The following CCDC158 variants were observed in gnomAD, a reference collection of about 807,000 sequenced individuals.
CCDC158 encodes coiled-coil domain-containing protein 158.
A neutral mutation model predicts 138.6 loss-of-function variants in CCDC158; 116 were observed. That is an observed-to-expected ratio of 0.84 (90% CI 0.72 to 0.98). CCDC158 has a LOEUF of 0.98. CCDC158 is among the 50% of genes least tolerant of loss of function. The pLI, the probability that CCDC158 is intolerant of heterozygous loss-of-function variation, is 0.00. For synonymous variants in CCDC158, 436 were observed against 442.4 expected, an observed-to-expected ratio of 0.99 and a Z score of 0.18; for missense variants, 1,265 against 1,306.1, an observed-to-expected ratio of 0.97 and a Z score of 0.48.
chr4:76,357,501 A>G lies in CCDC158; in HGVS notation c.2046T>C (p.Asn682=), dbSNP rs750518882. Residue 682 remains asparagine (N), a synonymous_variant, in exon 14 of 25, where the codon AAT becomes AAC. Transcript: ENST00000682701. ...LSEEYEVLKR[N]FRNKSEEMEM... Reference sequence around the variant, plus strand: ...CCATTTCTTCACTTTTGTTTCGGAAATTCCTTTTTAAGACTTCATACTCCT... The same window carrying G: ...CCATTTCTTCACTTTTGTTTCGGAAGTTCCTTTTTAAGACTTCATACTCCT... The G allele has an allele frequency of 1.4e-5, 23 of 1,596,386 alleles. No homozygotes were observed. In the East Asian group the frequency reaches 4.7e-4, roughly 33 times the overall value.
chr4:76,333,792 G>A (rs962055474), intron 19 of CCDC158, among the ~76,000 whole-genome samples: 1 of 152,020 alleles, frequency 6.6e-6, no homozygotes, highest in Non-Finnish European at 1.5e-5. Context: ...CCTTGCACTG[G>A]GTATTTTCTG....
chr4:76,331,970 G>A (rs1721052390), intron 20 of CCDC158, among the ~76,000 whole-genome samples: 1 of 152,074 alleles, frequency 6.6e-6, no homozygotes, highest in Admixed American at 6.5e-5. Context: ...TGGAGTTATG[G>A]ATTTCATTTC....
intron 1 of CCDC158, among the ~76,000 whole-genome samples, chr4:76,418,467 G>C (rs1203500345): frequency 6.6e-6 from 1 of 152,166 alleles, no homozygotes; most frequent in Non-Finnish European, 1.5e-5. Context: ...GATGTGGGGA[G>C]TGTATTAGTC....
chr4:76,318,941 A>C (rs1460272948), intron 24 of CCDC158, among the ~76,000 whole-genome samples: 1 of 152,176 alleles, frequency 6.6e-6, no homozygotes, highest in Non-Finnish European at 1.5e-5. Flanking sequence ...CAGCCTGGCC[A>C]ACATGGTGAA....
chr4:76,397,606 C>G (rs1727943754), intron 3 of CCDC158, among the ~76,000 whole-genome samples: 1 of 152,036 alleles, frequency 6.6e-6, no homozygotes, highest in Admixed American at 6.6e-5. Context: ...GAAACTAGTT[C>G]ATGTGTATTG....
chr4:76,322,559 T>A (rs1284899841), intron 24 of CCDC158, among the ~76,000 whole-genome samples: 3 of 152,242 alleles, frequency 2.0e-5, no homozygotes, highest in Admixed American at 2.0e-4. Context: ...AAGTTTATTT[T>A]ATGAAGATTC....
At chr4:76,333,969 C>T in intron 19 of CCDC158, 41 bp downstream of exon 19, 1 of 1,446,418 alleles carries the variant, frequency 6.9e-7, no homozygotes, top group East Asian at 2.3e-5. Flanking sequence ...GCAAACCATT[C>T]AAGAGATGAG....
chr4:76,401,447 G>A (rs999474149), intron 3 of CCDC158: 3 of 423,414 alleles, frequency 7.1e-6, no homozygotes, highest in Non-Finnish European at 1.4e-5. Context: ...GATCAAGATT[G>A]TGCTGAGGCC....
At chr4:76,382,571 A>C (rs759971922) in intron 8 of CCDC158, 39 bp downstream of exon 8, 59 of 1,219,926 alleles carry the variant, frequency 4.8e-5, no homozygotes, top group Non-Finnish European at 6.8e-5. Flanking sequence ...TAATATCTTT[A>C]AAATGAAGAT....
rs117223770 is a variant in CCDC158, at chr4:76,330,768, G to A, written c.2942+576C>T. Reference sequence around the variant, plus strand: ...ATGGGAAGATGTGTGTAGGTCATATGCAAATACTATGCCATTTTATATAAG... The same window carrying A: ...ATGGGAAGATGTGTGTAGGTCATATACAAATACTATGCCATTTTATATAAG... On this transcript the variant is annotated intron_variant, in intron 21 of 24. Transcript: ENST00000682701. 3.0e-3 allele frequency among the ~76,000 whole-genome samples: 452 copies of A among 152,138 alleles called. 11 individuals are homozygous for A. In the East Asian group the frequency reaches 0.051, roughly 17 times the overall value.
At chr4:76,396,738 T>C (rs1005590140) in intron 3 of CCDC158, among the ~76,000 whole-genome samples, 3 of 152,070 alleles carry the variant, frequency 2.0e-5, no homozygotes, top group Non-Finnish European at 4.4e-5. Context: ...AACCATGGTC[T>C]GGTCTCGTAC....
intron 23 of CCDC158, among the ~76,000 whole-genome samples, chr4:76,325,064 C>CA (rs754430961): frequency 1.2e-4 from 19 of 152,060 alleles, no homozygotes; most frequent in Non-Finnish European, 2.5e-4. Context: ...AAAGTAATTT[C>CA]ACAGTTAAAA....
Position 76,345,376 on chromosome 4 carries a change from A to T in CCDC158, c.2664+5620T>A, listed in dbSNP as rs557420914. The T allele has an allele frequency of 5.9e-4, 609 of 1,037,564 alleles. 2 individuals carry two copies. Among genetic ancestry groups the T allele is most frequent in the East Asian group, 5.6e-3 (236 of 42,310 alleles). 64.3% of individuals were successfully genotyped at this position (1,037,564 alleles called of 1,614,324 possible). ...CTGGATAAGGCCCGGTTAAAGAGCA[A>T]AGACGTCAAATTGGCTGAGGCACAC... On this transcript the variant is annotated intron_variant, in intron 18 of 24. Coordinates refer to ENST00000682701, the MANE Select transcript of CCDC158 (RefSeq NM_001394954.1).
At chr4:76,351,846 G>C (rs1473676623) in intron 16 of CCDC158, 34 bp from the exon 17 acceptor site, 10 of 1,342,014 alleles carry the variant, frequency 7.5e-6, no homozygotes, top group Admixed American at 6.8e-5. Flanking sequence ...GGTTTATCTT[G>C]CATTCTTTAT....
At chr4:76,323,710 A>G (rs769353598) in intron 23 of CCDC158, among the ~76,000 whole-genome samples, 2 of 152,234 alleles carry the variant, frequency 1.3e-5, no homozygotes, top group Non-Finnish European at 2.9e-5. Flanking sequence ...CTTCAAGTTT[A>G]ATGATGCATT....
Position 76,323,352 on chromosome 4 carries a change from C to T in CCDC158, c.3227G>A (p.Arg1076Lys), listed in dbSNP as rs751888813. 1 of 1,613,166 alleles carries T rather than the reference C, an allele frequency of 6.2e-7. No homozygotes were observed. Among genetic ancestry groups the T allele is most frequent in the Non-Finnish European group, 8.5e-7 (1 of 1,179,584 alleles). ...TACCAGAGTTTGCAAGCTTTCTAGTCTGTTCTGAAGCTTCCTGCATGTTTT... is the reference window on the plus strand; with the variant it reads ...TACCAGAGTTTGCAAGCTTTCTAGTTTGTTCTGAAGCTTCCTGCATGTTTT... The part of the protein sequence containing the change: ...TGKTCRKLQN[R>K]LESLQTLVED... Residue 1076 changes from arginine (R) to lysine (K), a missense_variant, in exon 24 of 25, where the codon AGA becomes AAA. Coordinates refer to ENST00000682701, the MANE Select transcript of CCDC158 (RefSeq NM_001394954.1).
chr4:76,373,084 G>C (rs1725394540), intron 9 of CCDC158, among the ~76,000 whole-genome samples: 1 of 152,052 alleles, frequency 6.6e-6, no homozygotes, highest in Non-Finnish European at 1.5e-5. Flanking sequence ...CCTGGCCTCA[G>C]GTGATCCACC....
At chr4:76,332,379 C>T in intron 20 of CCDC158, 53 bp downstream of exon 20, 1 of 1,412,246 alleles carries the variant, frequency 7.1e-7, no homozygotes, top group Non-Finnish European at 1.0e-6. Flanking sequence ...TACAAGGCCA[C>T]ATATAAAATA....
chr4:76,390,686 T>C lies in CCDC158; in HGVS notation c.288+5583A>G, dbSNP rs374240233. On this transcript the variant is annotated intron_variant, in intron 4 of 24. Transcript: ENST00000682701. ...AATTGTCTAATCAAAAGACATAGAGTGGTTGAATGGATTAAAAAACAAGAC... is the reference window on the plus strand; with the variant it reads ...AATTGTCTAATCAAAAGACATAGAGCGGTTGAATGGATTAAAAAACAAGAC... Among the ~76,000 whole-genome samples, 422 of 151,178 alleles carry C rather than the reference T, an allele frequency of 2.8e-3. 3 individuals are homozygous for C. The highest frequency in any genetic ancestry group is 9.6e-3 in the African/African-American group (397 of 41,216).
Sources: gnomAD v4.1 joint callset for allele counts (sites outside exome capture counted in the v4.1 genomes callset) on GRCh38, gnomAD v4.1.1 for gene constraint, MANE v1.5 for transcripts, NCBI Gene and HGNC (gene_info 2026-07-23, HGNC 2026-07-21) for gene names.